The following SYN3 variants were observed in gnomAD, a reference collection of about 807,000 sequenced individuals.
The protein encoded by SYN3 is synapsin III.
In SYN3, 35 loss-of-function variants were observed where a neutral mutation model predicts 65.8. That is an observed-to-expected ratio of 0.53 (90% CI 0.41 to 0.70). The LOEUF (loss-of-function observed/expected upper bound fraction) is 0.70, where lower values mean the gene tolerates loss of function less well. SYN3 is among the 30% of genes least tolerant of loss of function. SYN3 has a pLI of 0.00. For missense variants in SYN3, 680 were observed against 749.0 expected (o/e 0.91, Z 1.08); for synonymous variants, 270 against 292.9 (o/e 0.92, Z 0.80).
chr22:32,912,693 A>C (rs1345834502), intron 4 of SYN3, among the ~76,000 whole-genome samples: 1 of 151,072 alleles, frequency 6.6e-6, no homozygotes, highest in Non-Finnish European at 1.5e-5. Flanking sequence ...TACATTCTAG[A>C]CTGGGCAAAA....
chr22:32,842,706 G>A (rs556805339), intron 6 of SYN3, among the ~76,000 whole-genome samples: 3 of 152,300 alleles, frequency 2.0e-5, no homozygotes, highest in Admixed American at 2.0e-4. Context: ...CCCTTAGGGA[G>A]CCTGTGGTTT....
chr22:32,946,352 C>T (rs1181267649), intron 3 of SYN3, among the ~76,000 whole-genome samples: 1 of 152,168 alleles, frequency 6.6e-6, no homozygotes, highest in African/African-American at 2.4e-5. Flanking sequence ...CCATGGAATA[C>T]TATGCAGCCA....
chr22:32,604,553 A>T (rs1276529593), intron 6 of SYN3, among the ~76,000 whole-genome samples: 1 of 113,946 alleles, frequency 8.8e-6, no homozygotes, highest in African/African-American at 3.5e-5. Flanking sequence ...CCTCCCTCAC[A>T]CTCTTTTCTA....
intron 7 of SYN3, among the ~76,000 whole-genome samples, chr22:32,595,556 G>A (rs879791510): frequency 1.3e-5 from 2 of 152,138 alleles, no homozygotes; most frequent in Admixed American, 1.3e-4. Context: ...GACTCTGGGG[G>A]CTTCTTCCAT....
chr22:32,591,104 G>T (rs1247192913), intron 7 of SYN3, among the ~76,000 whole-genome samples: 2 of 152,108 alleles, frequency 1.3e-5, no homozygotes, highest in Admixed American at 1.3e-4. Context: ...TACATGAGAA[G>T]AAACTAAAGT....
At chr22:32,799,231 C>T (rs2046503853) in intron 6 of SYN3, among the ~76,000 whole-genome samples, 1 of 152,122 alleles carries the variant, frequency 6.6e-6, no homozygotes, top group Non-Finnish European at 1.5e-5. Context: ...CAGAGGGGAA[C>T]TGACTCAGGT....
At chr22:32,560,467 C>T (rs892098922) in intron 7 of SYN3, among the ~76,000 whole-genome samples, 1 of 152,188 alleles carries the variant, frequency 6.6e-6, no homozygotes, top group Non-Finnish European at 1.5e-5. Flanking sequence ...CCTAATAAGA[C>T]GTCGTCGAGT....
chr22:32,991,174 C>G (rs1261923002), intron 2 of SYN3, among the ~76,000 whole-genome samples: 2 of 151,454 alleles, frequency 1.3e-5, no homozygotes, highest in African/African-American at 4.9e-5. Flanking sequence ...CAGAGTGAGA[C>G]TCCGTCTCAA....
chr22:32,527,629 C>A, intron 12 of SYN3: 7 of 293,760 alleles, frequency 2.4e-5, no homozygotes, highest in East Asian at 6.7e-5. Flanking sequence ...GAAATAATGA[C>A]ATTTTCACTG....
chr22:32,710,960 C>A (rs1298759443), intron 6 of SYN3, among the ~76,000 whole-genome samples: 9 of 152,186 alleles, frequency 5.9e-5, no homozygotes, highest in Non-Finnish European at 1.2e-4. Flanking sequence ...AGATGAACAT[C>A]GCCCTTTCTC....
At chr22:32,585,014 A>G (rs994376321) in intron 7 of SYN3, among the ~76,000 whole-genome samples, 2 of 152,226 alleles carry the variant, frequency 1.3e-5, no homozygotes, top group African/African-American at 2.4e-5. Context: ...CAAGCAGAAC[A>G]GGGCTGTCAA....
Position 32,752,802 on chromosome 22 carries a change from G to A in SYN3, c.711+112113C>T, listed in dbSNP as rs192207369. On this transcript the variant is annotated intron_variant, in intron 6 of 13. Coordinates refer to ENST00000358763, the MANE Select transcript of SYN3 (RefSeq NM_003490.4). Reference sequence around the variant, plus strand: ...CCTGAAGCAGAGATGGTGGGGCAAGGCTGAAGTGCAGAGTGGTGAATGCCA... The same window carrying A: ...CCTGAAGCAGAGATGGTGGGGCAAGACTGAAGTGCAGAGTGGTGAATGCCA... Among the ~76,000 whole-genome samples the A allele has an allele frequency of 3.9e-5, 6 of 152,352 alleles. No individual in the cohort carries two copies. In the East Asian group the frequency reaches 1.2e-3, roughly 29 times the overall value.
In SYN3 at chr22:32,754,706, T is replaced by C. The variant is rs543369798; in HGVS notation, c.711+110209A>G. Among the ~76,000 whole-genome samples the C allele has an allele frequency of 3.9e-5, 6 of 152,322 alleles. No homozygotes were observed. In the East Asian group the frequency reaches 7.7e-4, roughly 20 times the overall value. On this transcript the variant is annotated intron_variant, in intron 6 of 13. Coordinates refer to ENST00000358763, the MANE Select transcript of SYN3 (RefSeq NM_003490.4). ...CCTCAGACGTTCCCTGAGCATACCA[T>C]ACAGTCCTACACCTTGATGCCTTTG...
intron 11 of SYN3, 90 bp downstream of exon 11, chr22:32,528,784 G>T: frequency 1.3e-6 from 2 of 1,557,360 alleles, no homozygotes; most frequent in Non-Finnish European, 1.7e-6. Context: ...CTTCCTGGGG[G>T]TATCCCCTTT....
At chr22:32,973,969 A>G (rs931036608) in intron 3 of SYN3, among the ~76,000 whole-genome samples, 1 of 152,136 alleles carries the variant, frequency 6.6e-6, no homozygotes. Context: ...TTGTATTTTT[A>G]GTAGAAACAG....
chr22:32,966,936 A>G (rs1271583853), intron 3 of SYN3, among the ~76,000 whole-genome samples: 1 of 152,152 alleles, frequency 6.6e-6, no homozygotes, highest in African/African-American at 2.4e-5. Context: ...AAATAAAATA[A>G]AAAGAACCAT....
rs1321423419 is a variant in SYN3 at position 32,586,050 on chromosome 22, ATGTG to A, written c.774+10620_774+10623del. ...TGTATGTATATATGTATATGTATATATGTGTATATGTATATATGTATACATGTAT... is the reference window on the plus strand; with the variant it reads ...TGTATGTATATATGTATATGTATATATATATGTATATATGTATACATGTAT... On this transcript the variant is annotated intron_variant, in intron 7 of 13. Transcript: ENST00000358763. Among the ~76,000 whole-genome samples the A allele has an allele frequency of 4.9e-5, 7 of 143,788 alleles. No individual in the cohort carries two copies. In the Admixed American group the frequency reaches 5.0e-4, roughly 10 times the overall value. 94.3% of individuals were successfully genotyped at this position (143,788 alleles called of 152,430 possible).
rs533126037 is a variant in SYN3 at position 32,836,627 on chromosome 22, G to A, written c.711+28288C>T. 6.6e-4 allele frequency among the ~76,000 whole-genome samples: 101 copies of A among 152,114 alleles called. 1 individual carries two copies. Among genetic ancestry groups the A allele is most frequent in the Non-Finnish European group, 6.9e-4 (47 of 68,000 alleles). On this transcript the variant is annotated intron_variant, in intron 6 of 13. Coordinates refer to ENST00000358763, the MANE Select transcript of SYN3 (RefSeq NM_003490.4). ...ACCTATGTATGGGCTCGTTTTTCTC[G>A]TACCTGTTCCTACCTGAGTGCCCAC...
At chr22:32,657,344 C>T (rs1027577185) in intron 6 of SYN3, among the ~76,000 whole-genome samples, 2 of 151,866 alleles carry the variant, frequency 1.3e-5, no homozygotes, top group Non-Finnish European at 2.9e-5. Flanking sequence ...AGGATGGTCT[C>T]GATCTACTGA....
Sources: gnomAD v4.1 joint callset for allele counts (sites outside exome capture counted in the v4.1 genomes callset) on GRCh38, gnomAD v4.1.1 for gene constraint, MANE v1.5 for transcripts, NCBI Gene and HGNC (gene_info 2026-07-23, HGNC 2026-07-21) for gene names.